The following CREB3L2 variants were observed in gnomAD, a reference collection of about 807,000 sequenced individuals.
CREB3L2 encodes cyclic AMP-responsive element-binding protein 3-like protein 2.
In CREB3L2, 23 loss-of-function variants were observed where a neutral mutation model predicts 57.2. That is an observed-to-expected ratio of 0.40 (90% CI 0.29 to 0.57). The LOEUF (loss-of-function observed/expected upper bound fraction) is 0.57. Among genes scored for constraint, CREB3L2 ranks in the 20% least tolerant of loss-of-function variants. The probability of loss-of-function intolerance (pLI) is 0.42; values close to 1 mark genes in which losing one functional copy is unlikely to be tolerated. For synonymous variants in CREB3L2, 268 were observed against 265.1 expected, an observed-to-expected ratio of 1.01 and a Z score of -0.11; for missense variants, 628 against 634.7, an observed-to-expected ratio of 0.99 and a Z score of 0.11.
At chr7:137,947,442 T>C (rs1801017274) in intron 1 of CREB3L2, among the ~76,000 whole-genome samples, 1 of 152,186 alleles carries the variant, frequency 6.6e-6, no homozygotes, top group Non-Finnish European at 1.5e-5. Flanking sequence ...ACAGGAGAGC[T>C]GGAGAACCTG....
chr7:137,968,389 T>C (rs898200263), intron 1 of CREB3L2, among the ~76,000 whole-genome samples: 38 of 151,928 alleles, frequency 2.5e-4, no homozygotes, highest in African/African-American at 8.5e-4. Flanking sequence ...GGCCCCAGTA[T>C]GTGATGTTCC....
chr7:137,880,426 G>A lies in CREB3L2; in HGVS notation c.*50C>T, dbSNP rs1249956170. Reference sequence around the variant, plus strand: ...AAAAGCTGATGACAAAGGTGGTTTGGGGATGTAAAAGTAGAGTTAAGGGAA... The same window carrying A: ...AAAAGCTGATGACAAAGGTGGTTTGAGGATGTAAAAGTAGAGTTAAGGGAA... On this transcript the variant is annotated 3_prime_UTR_variant, in exon 12 of 12. Coordinates refer to ENST00000330387, the MANE Select transcript of CREB3L2 (RefSeq NM_194071.4). The surrounding 1 kb of genome is among the most constrained non-coding windows in gnomAD (Gnocchi z 4.0). 2.1e-6 allele frequency: 3 copies of A among 1,442,318 alleles called. No individual in the cohort carries two copies. In the African/African-American group the frequency reaches 4.2e-5, roughly 20 times the overall value. The allele number at this position is 1,442,318 out of a possible 1,614,324, so 89.3% of individuals were successfully genotyped here. A position where few individuals can be genotyped will look rare whatever the true frequency, so the allele number is the denominator to read the frequency against.
intron 2 of CREB3L2, among the ~76,000 whole-genome samples, chr7:137,920,778 G>A (rs924773083): frequency 6.6e-6 from 1 of 152,242 alleles, no homozygotes; most frequent in African/African-American, 2.4e-5. Flanking sequence ...CAGCCAGTAA[G>A]TAGTTTGGTG....
chr7:137,965,404 T>G (rs1801392590), intron 1 of CREB3L2, among the ~76,000 whole-genome samples: 1 of 152,162 alleles, frequency 6.6e-6, no homozygotes, highest in South Asian at 2.1e-4. Context: ...AGCATTCCAT[T>G]TTTTCCCTTA....
chr7:137,916,751 AG>A (rs894947569), intron 2 of CREB3L2, among the ~76,000 whole-genome samples: 6 of 145,580 alleles, frequency 4.1e-5, no homozygotes, highest in African/African-American at 1.0e-4. Flanking sequence ...AGGGAGGGGG[AG>A]GGGGAGCGAG....
At position 137,889,089 on chromosome 7, in the gene CREB3L2, G is replaced by C. The variant is rs188496859; in HGVS notation, c.1044-3587C>G. The stretch of plus-strand genomic sequence containing the variant: ...TTGCCTAGTCCTTAGAGCATGAATA[G>C]CTTTAAAAAAAAAATCCACACAAGG... On this transcript the variant is annotated intron_variant, in intron 8 of 11. Coordinates refer to ENST00000330387, the MANE Select transcript of CREB3L2 (RefSeq NM_194071.4). 1.8e-4 allele frequency among the ~76,000 whole-genome samples: 27 copies of C among 151,888 alleles called. 1 individual carries two copies. The highest frequency in any genetic ancestry group is 6.3e-4 in the African/African-American group (26 of 41,444).
At chr7:137,928,711 C>T (rs1182691271) in intron 1 of CREB3L2, among the ~76,000 whole-genome samples, 1 of 152,156 alleles carries the variant, frequency 6.6e-6, no homozygotes, top group Non-Finnish European at 1.5e-5. Flanking sequence ...AAAGATCAGG[C>T]CGGGCTTCCT....
At chr7:137,958,340 T>C (rs779011491) in intron 1 of CREB3L2, among the ~76,000 whole-genome samples, 2 of 152,088 alleles carry the variant, frequency 1.3e-5, no homozygotes, top group Admixed American at 6.5e-5. Context: ...GGGAGAAATA[T>C]TGGAATTTAT....
chr7:137,878,941 G>C lies in CREB3L2; in HGVS notation c.*1535C>G. ...TGGGTGGTGGGGGGAGAGAGAGAAG[G>C]AGAGACAGAGAGAGAGAGGGAGAGA... On this transcript the variant is annotated 3_prime_UTR_variant, in exon 12 of 12. Transcript: ENST00000330387. 2.4e-6 allele frequency: 1 copy of C among 409,908 alleles called. No individual in the cohort carries two copies. The highest frequency in any genetic ancestry group is 4.5e-6 in the Non-Finnish European group (1 of 219,822). The allele number at this position is 409,908 out of a possible 1,614,324, so 25.4% of individuals were successfully genotyped here.
intron 10 of CREB3L2, among the ~76,000 whole-genome samples, chr7:137,883,163 C>T (rs1420195636): frequency 6.6e-6 from 1 of 152,226 alleles, no homozygotes; most frequent in African/African-American, 2.4e-5. Flanking sequence ...AGCAATTTTC[C>T]ATGACATAGA....
intron 1 of CREB3L2, chr7:137,935,960 C>A (rs1800772887): frequency 5.1e-6 from 5 of 980,622 alleles, no homozygotes; most frequent in Non-Finnish European, 6.1e-6. Flanking sequence ...ATGATCTGGG[C>A]CACTTCCTGC....
chr7:137,992,119 G>GCAATTCAA (rs1801909446), intron 1 of CREB3L2, among the ~76,000 whole-genome samples: 1 of 151,990 alleles, frequency 6.6e-6, no homozygotes, highest in Non-Finnish European at 1.5e-5. Flanking sequence ...TCAAAAGCAG[G>GCAATTCAA]CAATTCAACA....
At chr7:137,890,228 A>C (rs1441081080) in intron 8 of CREB3L2, among the ~76,000 whole-genome samples, 1 of 152,244 alleles carries the variant, frequency 6.6e-6, no homozygotes, top group African/African-American at 2.4e-5. Context: ...AAAAACCATC[A>C]GGGCAAATAA....
intron 1 of CREB3L2, among the ~76,000 whole-genome samples, chr7:137,989,432 G>GTT (rs33944427): frequency 0.24 from 25,552 of 106,020 alleles, 3,772 homozygotes; most frequent in African/African-American, 0.26. Context: ...CTTTTCTCCA[G>GTT]TTTTTTTTTT....
At chr7:137,961,431 G>C (rs1408519161) in intron 1 of CREB3L2, among the ~76,000 whole-genome samples, 3 of 152,122 alleles carry the variant, frequency 2.0e-5, no homozygotes, top group African/African-American at 7.2e-5. Flanking sequence ...TGAGTCAGTT[G>C]TTGCTCCCCA....
intron 8 of CREB3L2, among the ~76,000 whole-genome samples, chr7:137,893,775 T>G (rs1230693179): frequency 6.6e-6 from 1 of 152,226 alleles, no homozygotes; most frequent in Non-Finnish European, 1.5e-5. Context: ...ATTTTATTTC[T>G]GATAACAATA....
At chr7:137,903,538 T>A (rs962193617) in intron 7 of CREB3L2, among the ~76,000 whole-genome samples, 3 of 151,248 alleles carry the variant, frequency 2.0e-5, no homozygotes, top group Non-Finnish European at 4.4e-5. Context: ...GCTGCCAACC[T>A]GACATCTTTC....
intron 1 of CREB3L2, among the ~76,000 whole-genome samples, chr7:137,961,113 T>G (rs1038119639): frequency 2.0e-5 from 3 of 148,388 alleles, no homozygotes; most frequent in Admixed American, 6.8e-5. Flanking sequence ...AAAAAACCAA[T>G]CTATTATTTT....
At chr7:137,923,532 G>A (rs1412388092) in intron 2 of CREB3L2, among the ~76,000 whole-genome samples, 2 of 152,136 alleles carry the variant, frequency 1.3e-5, no homozygotes, top group African/African-American at 4.8e-5. Flanking sequence ...GCTACTCTAC[G>A]ATGATTCAGA....
Sources: allele counts gnomAD v4.1 joint callset (sites outside exome capture counted in the v4.1 genomes callset), GRCh38; gene constraint gnomAD v4.1.1; non-coding constraint Gnocchi (gnomAD v3.1); transcripts MANE v1.5; gene names NCBI Gene and HGNC (gene_info 2026-07-23, HGNC 2026-07-21).